The following CDH13 variants were observed in gnomAD, a reference collection of about 807,000 sequenced individuals.
CDH13 encodes the protein cadherin-13.
In CDH13, 24 loss-of-function variants were observed where a neutral mutation model predicts 63.8. The observed-to-expected ratio is 0.38, with a 90% CI of 0.27 to 0.53. The LOEUF is 0.53. CDH13 is among the 20% of genes least tolerant of loss of function. The pLI, the probability that CDH13 is intolerant of heterozygous loss-of-function variation, is 0.85. For synonymous variants in CDH13, 503 were observed against 355.3 expected, an observed-to-expected ratio of 1.42 and a Z score of -4.67; for missense variants, 1,049 against 903.1, an observed-to-expected ratio of 1.16 and a Z score of -2.07.
chr16:82,904,447 C>G (rs181223467), intron 2 of CDH13, among the ~76,000 whole-genome samples: 2 of 152,304 alleles, frequency 1.3e-5, no homozygotes, highest in Non-Finnish European at 2.9e-5. Flanking sequence ...GTTGGTTCAC[C>G]TTGCTCTGAA....
At chr16:82,802,408 G>A (rs977247576) in intron 1 of CDH13, among the ~76,000 whole-genome samples, 3 of 152,102 alleles carry the variant, frequency 2.0e-5, no homozygotes, top group Non-Finnish European at 4.4e-5. Context: ...TGGCAAAACA[G>A]GAGGATATCT....
intron 4 of CDH13, among the ~76,000 whole-genome samples, chr16:83,130,598 A>C (rs545087177): frequency 6.6e-6 from 1 of 152,258 alleles, no homozygotes; most frequent in Non-Finnish European, 1.5e-5. Flanking sequence ...GTTGGTGAAC[A>C]TATGGGTACT....
At position 83,782,170 on chromosome 16, in the gene CDH13, GT is replaced by G. The variant is rs568121159; in HGVS notation, c.1916-1075del. 1.9e-3 allele frequency among the ~76,000 whole-genome samples: 283 copies of G among 151,316 alleles called. 2 individuals carry two copies. The highest frequency in any genetic ancestry group is 3.1e-3 in the Non-Finnish European group (208 of 67,774). On this transcript the variant is annotated intron_variant, in intron 12 of 13. Coordinates refer to ENST00000567109, the MANE Select transcript of CDH13 (RefSeq NM_001257.5). The stretch of plus-strand genomic sequence containing the variant: ...TTCTAAATGATTTTGTTGTCTCACA[GT>G]TTTTTTTTCTGAATATTTAGCCCTG...
At chr16:83,279,842 A>ATTTT (rs35396123) in intron 5 of CDH13, among the ~76,000 whole-genome samples, 6 of 149,992 alleles carry the variant, frequency 4.0e-5, no homozygotes, top group African/African-American at 1.5e-4. Flanking sequence ...GAGTCACATG[A>ATTTT]TTTTTTTTTT....
intron 7 of CDH13, among the ~76,000 whole-genome samples, chr16:83,542,604 T>G (rs908273394): frequency 1.3e-5 from 2 of 152,228 alleles, no homozygotes; most frequent in African/African-American, 4.8e-5. Flanking sequence ...ATCAAGGTGT[T>G]GGCAAAGCCA....
intron 1 of CDH13, among the ~76,000 whole-genome samples, chr16:82,660,391 C>T (rs1427359817): frequency 6.6e-6 from 1 of 152,170 alleles, no homozygotes; most frequent in Non-Finnish European, 1.5e-5. Flanking sequence ...CCAATCAAAA[C>T]AGCCATCTGC....
intron 7 of CDH13, among the ~76,000 whole-genome samples, chr16:83,551,877 AT>A (rs1410282706): frequency 6.6e-6 from 1 of 152,166 alleles, no homozygotes; most frequent in Non-Finnish European, 1.5e-5. Flanking sequence ...CTGGCACATA[AT>A]TACTTAATGT....
intron 6 of CDH13, among the ~76,000 whole-genome samples, chr16:83,484,621 G>A (rs1464966003): frequency 6.6e-6 from 1 of 152,130 alleles, no homozygotes; most frequent in Non-Finnish European, 1.5e-5. Flanking sequence ...TATAGATGAG[G>A]CCAACATCTT....
At chr16:82,664,434 A>G (rs1255049918) in intron 1 of CDH13, among the ~76,000 whole-genome samples, 1 of 152,240 alleles carries the variant, frequency 6.6e-6, no homozygotes, top group Non-Finnish European at 1.5e-5. Flanking sequence ...TGAACACAGC[A>G]GTGGGGGCTC....
chr16:83,619,296 C>T (rs1380253016), intron 8 of CDH13, among the ~76,000 whole-genome samples: 2 of 152,154 alleles, frequency 1.3e-5, no homozygotes, highest in African/African-American at 4.8e-5. Context: ...ACCAGCACAT[C>T]GATCCTGAAT....
intron 2 of CDH13, among the ~76,000 whole-genome samples, chr16:82,996,904 T>G (rs1294335494): frequency 6.6e-6 from 1 of 151,866 alleles, no homozygotes; most frequent in Admixed American, 6.6e-5. Flanking sequence ...ATGGCGGTGA[T>G]GGTGATGTTG....
chr16:82,829,079 A>AG (rs2038400999), intron 1 of CDH13, among the ~76,000 whole-genome samples: 1 of 152,140 alleles, frequency 6.6e-6, no homozygotes, highest in South Asian at 2.1e-4. Context: ...TCCAGAAGTA[A>AG]GGGTGGTCCA....
intron 1 of CDH13, among the ~76,000 whole-genome samples, chr16:82,788,912 T>A (rs569506684): frequency 6.6e-6 from 1 of 152,310 alleles, no homozygotes; most frequent in Admixed American, 6.5e-5. Flanking sequence ...GGAAGACATT[T>A]AAAAGAAACT....
intron 3 of CDH13, among the ~76,000 whole-genome samples, chr16:83,033,669 C>T (rs1309150452): frequency 6.6e-6 from 1 of 152,180 alleles, no homozygotes; most frequent in Non-Finnish European, 1.5e-5. Flanking sequence ...CATATGCATA[C>T]ACTTTATAAG....
At chr16:83,370,230 T>C (rs1384176410) in intron 6 of CDH13, among the ~76,000 whole-genome samples, 1 of 151,776 alleles carries the variant, frequency 6.6e-6, no homozygotes, top group Non-Finnish European at 1.5e-5. Context: ...TACTAAAAAA[T>C]AGAAAAAATT....
At chr16:82,865,048 T>C (rs1007904584) in intron 2 of CDH13, among the ~76,000 whole-genome samples, 4 of 152,232 alleles carry the variant, frequency 2.6e-5, no homozygotes, top group African/African-American at 9.6e-5. Flanking sequence ...CTTCTTTGAC[T>C]CTGTGTCTCA....
At chr16:82,787,740 C>T (rs1235330666) in intron 1 of CDH13, among the ~76,000 whole-genome samples, 1 of 141,560 alleles carries the variant, frequency 7.1e-6, no homozygotes, top group Non-Finnish European at 1.5e-5. Flanking sequence ...GCTCATTAAT[C>T]ATGCTCTTGA....
intron 1 of CDH13, among the ~76,000 whole-genome samples, chr16:82,710,552 A>AATATACATATAT (rs2031847568): frequency 1.6e-5 from 1 of 63,768 alleles, no homozygotes; most frequent in Admixed American, 2.7e-4. Context: ...AAAAAAAAAA[A>AATATACATATAT]ATATATATAT....
intron 3 of CDH13, among the ~76,000 whole-genome samples, chr16:83,112,035 A>C (rs1307802215): frequency 6.6e-6 from 1 of 152,178 alleles, no homozygotes; most frequent in Admixed American, 6.5e-5. Context: ...TTGGAGAAAA[A>C]AGTTTCCAGA....
Sources: gnomAD v4.1 joint callset for allele counts (sites outside exome capture counted in the v4.1 genomes callset) on GRCh38, gnomAD v4.1.1 for gene constraint, MANE v1.5 for transcripts, NCBI Gene and HGNC (gene_info 2026-07-23, HGNC 2026-07-21) for gene names.